The following FAM168A variants were observed in gnomAD, a reference collection of about 807,000 sequenced individuals.
FAM168A encodes the protein protein FAM168A.
Under a neutral mutation model 28.5 loss-of-function variants are expected in FAM168A, and 3 were observed. The observed-to-expected ratio is 0.11, with a 90% CI of 0.05 to 0.27. The LOEUF (loss-of-function observed/expected upper bound fraction) is 0.27. Ranked by LOEUF, FAM168A falls within the 10% of genes least tolerant of loss-of-function variation. The probability of loss-of-function intolerance (pLI) is 1.00; values close to 1 mark genes in which losing one functional copy is unlikely to be tolerated. For missense variants in FAM168A, 222 were observed against 311.5 expected (o/e 0.71, Z 2.16); for synonymous variants, 122 against 124.2 (o/e 0.98, Z 0.12).
intron 1 of FAM168A, among the ~76,000 whole-genome samples, chr11:73,588,833 G>C (rs1944347893): frequency 6.6e-6 from 1 of 152,146 alleles, no homozygotes. Context: ...TTATAATTAG[G>C]TTTAGATTAG....
At chr11:73,519,148 G>A (rs1220541167) in intron 1 of FAM168A, among the ~76,000 whole-genome samples, 1 of 152,054 alleles carries the variant, frequency 6.6e-6, no homozygotes, top group East Asian at 1.9e-4. Context: ...CTACCACAAT[G>A]TGATCTTGCC....
At chr11:73,587,023 T>TC (rs1483168891) in intron 1 of FAM168A, among the ~76,000 whole-genome samples, 1 of 151,868 alleles carries the variant, frequency 6.6e-6, no homozygotes, top group East Asian at 1.9e-4. Context: ...CATCAGCCAT[T>TC]CCCCCAATAA....
chr11:73,587,424 G>A (rs1197901348), intron 1 of FAM168A, among the ~76,000 whole-genome samples: 2 of 152,010 alleles, frequency 1.3e-5, no homozygotes, highest in African/African-American at 2.4e-5. Flanking sequence ...CCCAGGAAGC[G>A]GAGGTTGCAG....
At chr11:73,579,534 G>A (rs1468705491) in intron 1 of FAM168A, among the ~76,000 whole-genome samples, 1 of 151,956 alleles carries the variant, frequency 6.6e-6, no homozygotes, top group Non-Finnish European at 1.5e-5. Flanking sequence ...GGAAGAAGGA[G>A]GTAAAATATC....
chr11:73,484,695 G>GATAT (rs1565265992), intron 1 of FAM168A, among the ~76,000 whole-genome samples: 22 of 80,194 alleles, frequency 2.7e-4, no homozygotes, highest in South Asian at 5.1e-4. Flanking sequence ...TAGATATATA[G>GATAT]ATATAGATAT....
At chr11:73,440,432 T>A (rs1459733414) in intron 2 of FAM168A, among the ~76,000 whole-genome samples, 1 of 152,076 alleles carries the variant, frequency 6.6e-6, no homozygotes, top group East Asian at 1.9e-4. Context: ...GACCGCTGCT[T>A]GAGCACAAGA....
intron 1 of FAM168A, among the ~76,000 whole-genome samples, chr11:73,496,418 A>G (rs1402939980): frequency 6.6e-6 from 1 of 152,194 alleles, no homozygotes; most frequent in Non-Finnish European, 1.5e-5. Flanking sequence ...CCTTTGCACC[A>G]ACCTTTAGTT....
chr11:73,582,328 C>T (rs952064638), intron 1 of FAM168A, among the ~76,000 whole-genome samples: 12 of 151,224 alleles, frequency 7.9e-5, no homozygotes, highest in Admixed American at 7.3e-4. Context: ...GATACCATCC[C>T]GGCTAACACA....
chr11:73,457,723 CAAAAAAAAA>C (rs58142151), intron 2 of FAM168A, among the ~76,000 whole-genome samples: 1,010 of 37,494 alleles, frequency 0.027, 7 homozygotes, highest in African/African-American at 0.044. Flanking sequence ...GCCTGGGTGA[CAAAAAAAAA>C]AAAAAAAAAA....
intron 2 of FAM168A, among the ~76,000 whole-genome samples, chr11:73,446,485 A>G (rs1016628709): frequency 6.6e-5 from 10 of 152,306 alleles, no homozygotes; most frequent in Admixed American, 2.0e-4. Flanking sequence ...AAATTACCTG[A>G]GCAACATCTA....
chr11:73,405,761 C>T lies in FAM168A; in HGVS notation c.*1002G>A, dbSNP rs1590749000. The T allele has an allele frequency of 6.6e-6, 1 of 152,190 alleles. No individual in the cohort carries two copies. Among genetic ancestry groups the T allele is most frequent in the African/African-American group, 2.4e-5 (1 of 41,426 alleles). The allele number at this position is 152,190 out of a possible 1,614,324, so 9.4% of individuals were successfully genotyped here. On this transcript the variant is annotated 3_prime_UTR_variant, in exon 8 of 8. Coordinates refer to ENST00000356467, the MANE Select transcript of FAM168A (RefSeq NM_015159.3). The stretch of plus-strand genomic sequence containing the variant: ...AGCTCTATGGTCAGACAGGTGAGTC[C>T]TGGCACTGGGAAGGGCAAAAGAAAA...
intron 1 of FAM168A, among the ~76,000 whole-genome samples, chr11:73,486,792 A>C (rs1247202593): frequency 1.3e-5 from 2 of 152,252 alleles, no homozygotes; most frequent in Admixed American, 6.5e-5. Flanking sequence ...CCTCAATAGA[A>C]AAGACAATGT....
intron 1 of FAM168A, chr11:73,510,752 T>C (rs968701064): frequency 1.6e-5 from 6 of 376,860 alleles, no homozygotes; most frequent in African/African-American, 1.0e-4. Flanking sequence ...GTCTGAGCTA[T>C]GATATCAATT....
chr11:73,526,144 C>A (rs1292054984), intron 1 of FAM168A, among the ~76,000 whole-genome samples: 1 of 151,970 alleles, frequency 6.6e-6, no homozygotes, highest in Non-Finnish European at 1.5e-5. Flanking sequence ...TCTTAACATA[C>A]AAAGAGTCTC....
intron 1 of FAM168A, among the ~76,000 whole-genome samples, chr11:73,553,060 AAATT>A (rs766036658): frequency 2.0e-5 from 3 of 152,222 alleles, no homozygotes; most frequent in Non-Finnish European, 4.4e-5. Context: ...ATTGTTTTAT[AAATT>A]AATTAATCCT....
At chr11:73,489,137 C>T (rs2134605620) in intron 1 of FAM168A, among the ~76,000 whole-genome samples, 1 of 152,248 alleles carries the variant, frequency 6.6e-6, no homozygotes, top group East Asian at 1.9e-4. Context: ...CCTTGGCCTC[C>T]AAAAGTGCTG....
intron 1 of FAM168A, among the ~76,000 whole-genome samples, chr11:73,583,068 GC>G (rs781579138): frequency 2.0e-5 from 3 of 152,144 alleles, no homozygotes; most frequent in Non-Finnish European, 4.4e-5. Flanking sequence ...ACCTTGGGAG[GC>G]CAAGGCAGGC....
intron 2 of FAM168A, among the ~76,000 whole-genome samples, chr11:73,461,789 G>A (rs1050825732): frequency 2.0e-5 from 3 of 152,176 alleles, no homozygotes; most frequent in Non-Finnish European, 4.4e-5. Flanking sequence ...GAGTTAGGAA[G>A]TCCAGTTAAG....
chr11:73,552,254 G>A (rs1565295244), intron 1 of FAM168A, among the ~76,000 whole-genome samples: 3 of 152,160 alleles, frequency 2.0e-5, no homozygotes, highest in African/African-American at 7.2e-5. Flanking sequence ...ATTTCCTCAT[G>A]TTTAAATGAT....
Sources: allele counts gnomAD v4.1 joint callset (sites outside exome capture counted in the v4.1 genomes callset), GRCh38; gene constraint gnomAD v4.1.1; transcripts MANE v1.5; gene names NCBI Gene and HGNC (gene_info 2026-07-23, HGNC 2026-07-21).